MYRFL: variants seen among roughly 807,000 people sequenced by gnomAD.
MYRFL encodes the protein myelin regulatory factor-like protein.
A neutral mutation model predicts 109.4 loss-of-function variants in MYRFL; 88 were observed. The observed-to-expected ratio is 0.80, with a 90% CI of 0.68 to 0.96. The LOEUF (loss-of-function observed/expected upper bound fraction) is 0.96. Ranked by LOEUF, MYRFL falls within the 40% of genes least tolerant of loss-of-function variation. The pLI, the probability that MYRFL is intolerant of heterozygous loss-of-function variation, is 0.00. For synonymous variants in MYRFL, 324 were observed against 320.9 expected (o/e 1.01, Z -0.10); for missense variants, 957 against 954.9 (o/e 1.00, Z -0.03).
intron 15 of MYRFL, among the ~76,000 whole-genome samples, chr12:69,928,375 G>A (rs568401111): frequency 2.0e-5 from 3 of 152,318 alleles, no homozygotes; most frequent in East Asian, 3.9e-4. Flanking sequence ...CACTTTGTAA[G>A]TAGCTACAAA....
At chr12:69,921,238 C>G (rs1954900984) in intron 13 of MYRFL, among the ~76,000 whole-genome samples, 1 of 152,068 alleles carries the variant, frequency 6.6e-6, no homozygotes, top group African/African-American at 2.4e-5. Flanking sequence ...GCTGGGGTCT[C>G]TCTATGTTGC....
chr12:69,918,765 G>A (rs1050071059), intron 13 of MYRFL, among the ~76,000 whole-genome samples: 2 of 152,106 alleles, frequency 1.3e-5, no homozygotes, highest in African/African-American at 4.8e-5. Flanking sequence ...TCTGTGAATG[G>A]TTTGATTCAG....
chr12:69,827,665 C>T (rs1310929830), intron 1 of MYRFL, among the ~76,000 whole-genome samples: 1 of 151,980 alleles, frequency 6.6e-6, no homozygotes, highest in Admixed American at 6.6e-5. Context: ...ACCTAAATTT[C>T]TAATAGTGGT....
chr12:69,870,018 G>T (rs1885248999), intron 2 of MYRFL, among the ~76,000 whole-genome samples: 1 of 149,972 alleles, frequency 6.7e-6, no homozygotes, highest in Non-Finnish European at 1.5e-5. Context: ...CAAAAAACAA[G>T]TTGTATGTCT....
chr12:69,941,750 G>A (rs901975797), intron 19 of MYRFL, among the ~76,000 whole-genome samples: 2 of 150,046 alleles, frequency 1.3e-5, no homozygotes, highest in Non-Finnish European at 3.0e-5. Flanking sequence ...CCAGGAGCTG[G>A]TTTTTTGAAA....
chr12:69,882,015 T>G (rs1026066748), intron 5 of MYRFL, among the ~76,000 whole-genome samples: 1 of 152,168 alleles, frequency 6.6e-6, no homozygotes, highest in Non-Finnish European at 1.5e-5. Context: ...CTTCCAAGAA[T>G]TCCCTCATCA....
intron 22 of MYRFL, among the ~76,000 whole-genome samples, 152 bp from the exon 23 acceptor site, chr12:69,957,670 T>C (rs1956125402): frequency 6.6e-6 from 1 of 152,228 alleles, no homozygotes; most frequent in East Asian, 1.9e-4. Context: ...CCTATTGGCA[T>C]CGGTGAGCTT....
Position 69,895,404 on chromosome 12 carries a change from A to AAC in MYRFL, c.1017_1018dup (p.Leu340HisfsTer15). The AAC allele has an allele frequency of 6.5e-7, 1 of 1,535,566 alleles. No individual in the cohort carries two copies. The highest frequency in any genetic ancestry group is 8.7e-7 in the Non-Finnish European group (1 of 1,146,642). On this transcript the variant is annotated frameshift_variant, in exon 9 of 25. Coordinates refer to ENST00000552032, the MANE Select transcript of MYRFL (RefSeq NM_182530.3). LOFTEE classifies it high-confidence loss of function. ...TACTGGCTGACCAGGTCACCAAAGT[A>AAC]ACACTGGGACGATTACACTTCAGCG...
chr12:69,895,971 A>C (rs896162361), intron 9 of MYRFL, among the ~76,000 whole-genome samples: 1 of 152,222 alleles, frequency 6.6e-6, no homozygotes, highest in Non-Finnish European at 1.5e-5. Context: ...GCCTTACTGA[A>C]GAATCAAAAA....
intron 19 of MYRFL, among the ~76,000 whole-genome samples, chr12:69,951,036 A>C (rs945551360): frequency 1.3e-5 from 2 of 152,222 alleles, no homozygotes; most frequent in Non-Finnish European, 2.9e-5. Context: ...GCAAAAATAC[A>C]TGAAAAGTTA....
intron 2 of MYRFL, among the ~76,000 whole-genome samples, chr12:69,855,909 T>G (rs1304276673): frequency 6.6e-6 from 1 of 152,192 alleles, no homozygotes; most frequent in African/African-American, 2.4e-5. Flanking sequence ...TCTGCTCTTA[T>G]TTTCTGGTAT....
intron 1 of MYRFL, among the ~76,000 whole-genome samples, chr12:69,846,784 CA>C (rs1325467626): frequency 6.6e-6 from 1 of 151,772 alleles, no homozygotes; most frequent in Non-Finnish European, 1.5e-5. Context: ...CTGACTTCCA[CA>C]AGGGTTGAAC....
chr12:69,854,634 C>G (rs1019003508), intron 1 of MYRFL, among the ~76,000 whole-genome samples: 7 of 152,114 alleles, frequency 4.6e-5, no homozygotes, highest in African/African-American at 1.7e-4. Flanking sequence ...GATTCACCTC[C>G]CTTGGCCTCC....
chr12:69,952,189 TA>T lies in MYRFL; in HGVS notation c.2287+16del. 1 of 1,535,380 alleles carries T rather than the reference TA, an allele frequency of 6.5e-7. No homozygotes were observed. Among genetic ancestry groups the T allele is most frequent in the South Asian group, 1.2e-5 (1 of 84,040 alleles). On this transcript the variant is annotated intron_variant, in intron 20 of 24. Coordinates refer to ENST00000552032, the MANE Select transcript of MYRFL (RefSeq NM_182530.3). Reference sequence around the variant, plus strand: ...GGGAGAGTGACTGTAAGTTGACATTTAAGTGACACTATTCTTTGGCTTTGCG... The same window carrying T: ...GGGAGAGTGACTGTAAGTTGACATTTAGTGACACTATTCTTTGGCTTTGCG...
In MYRFL at chr12:69,959,089, G is replaced by T. The variant is rs1336242424; in HGVS notation, c.*558G>T. On this transcript the variant is annotated 3_prime_UTR_variant, in exon 25 of 25. Transcript: ENST00000552032. ...TAGTTTGTTAATCAAATGGATTTAA[G>T]AGAAATAATTGCAACTCTGCTTTGC... 6.5e-6 allele frequency: 1 copy of T among 153,132 alleles called. No homozygotes were observed. Among genetic ancestry groups the T allele is most frequent in the East Asian group, 1.9e-4 (1 of 5,238 alleles). 9.5% of individuals were successfully genotyped at this position (153,132 alleles called of 1,614,324 possible).
At chr12:69,940,562 TG>T in intron 19 of MYRFL, among the ~76,000 whole-genome samples, 1 of 151,650 alleles carries the variant, frequency 6.6e-6, no homozygotes, top group East Asian at 1.9e-4. Context: ...GTGCTAAACA[TG>T]GAAAGGAACA....
At chr12:69,849,171 C>A (rs1208346525) in intron 1 of MYRFL, among the ~76,000 whole-genome samples, 2 of 152,222 alleles carry the variant, frequency 1.3e-5, no homozygotes, top group Non-Finnish European at 2.9e-5. Flanking sequence ...TGCGCCCAGC[C>A]AACACTGGGT....
intron 9 of MYRFL, 64 bp downstream of exon 9, chr12:69,895,545 C>T (rs918109012): frequency 1.4e-5 from 19 of 1,353,988 alleles, no homozygotes; most frequent in Non-Finnish European, 1.7e-5. Context: ...GAAGTGCCCT[C>T]CTGGGGCCCC....
chr12:69,853,952 G>A (rs1195590597), intron 1 of MYRFL, among the ~76,000 whole-genome samples: 2 of 152,172 alleles, frequency 1.3e-5, no homozygotes, highest in African/African-American at 2.4e-5. Flanking sequence ...GGTGGCGGCC[G>A]GGCAGAGGCT....
Sources: gnomAD v4.1 joint callset for allele counts (sites outside exome capture counted in the v4.1 genomes callset) on GRCh38, gnomAD v4.1.1 for gene constraint, MANE v1.5 for transcripts, NCBI Gene and HGNC (gene_info 2026-07-23, HGNC 2026-07-21) for gene names.